Variants in ADGRV1 observed in about 807,000 individuals in gnomAD.
ADGRV1 encodes adhesion G protein-coupled receptor V1, also known as G-protein coupled receptor 98.
A neutral mutation model predicts 596.2 loss-of-function variants in ADGRV1; 359 were observed. That is an observed-to-expected ratio of 0.60 (90% confidence interval 0.55 to 0.66). The LOEUF (loss-of-function observed/expected upper bound fraction) is 0.66. Among genes scored for constraint, ADGRV1 ranks in the 30% least tolerant of loss-of-function variants. The pLI is 0.00. For missense variants in ADGRV1, 7,274 were observed against 7,575.6 expected (o/e 0.96, Z 1.48); for synonymous variants, 2,681 against 2,679.2 (o/e 1.00, Z -0.02).
chr5:90,973,726 C>G (rs972866721), intron 84 of ADGRV1, among the ~76,000 whole-genome samples: 7 of 152,258 alleles, frequency 4.6e-5, no homozygotes, highest in African/African-American at 1.7e-4. Flanking sequence ...CTCTTTATGA[C>G]AAACCTACAA....
intron 87 of ADGRV1, among the ~76,000 whole-genome samples, chr5:91,109,689 G>T (rs570504969): frequency 6.6e-6 from 1 of 152,210 alleles, no homozygotes; most frequent in South Asian, 2.1e-4. Context: ...AAGACCAGAT[G>T]GTACCATCCT....
chr5:91,027,679 G>C (rs1238041335), intron 85 of ADGRV1, among the ~76,000 whole-genome samples: 2 of 152,140 alleles, frequency 1.3e-5, no homozygotes, highest in East Asian at 3.9e-4. Context: ...TTATACATTG[G>C]TCCAGACTAT....
chr5:90,614,973 T>C lies in ADGRV1; in HGVS notation c.161T>C (p.Ile54Thr), dbSNP rs1763182322. The C allele has an allele frequency of 1.9e-6, 3 of 1,557,168 alleles. No individual in the cohort carries two copies. The highest frequency in any genetic ancestry group is 2.6e-6 in the Non-Finnish European group (3 of 1,147,788). ...NETSTTVIRL[I>T]IERIGEPANV... ...ACAAGTACAACAGTTATTCGTCTTA[T>C]CATTGAAAGGATAGGAGAGCCAGCA... The change falls in exon 2 of 90, where the codon ATC becomes ACC. Residue 54 changes from isoleucine to threonine, a missense_variant. By Grantham distance (89) the Ile-to-Thr change is moderately conservative (BLOSUM62 -1). Transcript: ENST00000405460.
At chr5:90,991,114 ACAGAGGTG>A (rs72083043) in intron 85 of ADGRV1, among the ~76,000 whole-genome samples, 3,731 of 152,310 alleles carry the variant, frequency 0.024, 68 homozygotes, top group Non-Finnish European at 0.038. Flanking sequence ...GACATGCCAT[ACAGAGGTG>A]AGAGGACAAT....
At chr5:91,107,288 C>T (rs948014934) in intron 87 of ADGRV1, among the ~76,000 whole-genome samples, 4 of 151,912 alleles carry the variant, frequency 2.6e-5, no homozygotes, top group Non-Finnish European at 5.9e-5. Context: ...TTTGTTTTCT[C>T]GTGACAAGAA....
At chr5:90,858,659 A>G (rs535188486) in intron 82 of ADGRV1, among the ~76,000 whole-genome samples, 25 of 152,236 alleles carry the variant, frequency 1.6e-4, no homozygotes, top group Non-Finnish European at 3.1e-4. Flanking sequence ...ATATGGACAT[A>G]TTATTTGGGA....
At position 90,690,036 on chromosome 5, in the gene ADGRV1, C is replaced by G. The variant is rs766685090; in HGVS notation, c.6666C>G (p.Val2222=). The G allele has an allele frequency of 3.8e-6, 6 of 1,589,790 alleles. No homozygotes were observed. The South Asian group carries it at 5.7e-5, about 15-fold the overall frequency. ...GARLGALTEA[V]IIIEASDDPY... ...GACTAGGGGCTTTAACAGAGGCAGT[C>G]ATTATTATTGAGGCCTCTGATGACC... The change falls in exon 30 of 90, where the codon GTC becomes GTG. Residue 2222 remains valine (V), a synonymous_variant. Transcript: ENST00000405460.
chr5:90,814,880 G>T (rs1463296197), intron 74 of ADGRV1, among the ~76,000 whole-genome samples: 1 of 152,174 alleles, frequency 6.6e-6, no homozygotes, highest in African/African-American at 2.4e-5. Context: ...AAAGCAGTCA[G>T]AACTATGCAG....
chr5:90,877,094 A>T (rs557019996), intron 83 of ADGRV1, among the ~76,000 whole-genome samples: 4 of 152,330 alleles, frequency 2.6e-5, no homozygotes, highest in Middle Eastern at 3.4e-3. Flanking sequence ...GAGTCAGGAA[A>T]ATCTTATAGC....
intron 27 of ADGRV1, among the ~76,000 whole-genome samples, chr5:90,681,953 G>A (rs775103748): frequency 4.0e-5 from 6 of 151,398 alleles, no homozygotes; most frequent in Non-Finnish European, 8.8e-5. Flanking sequence ...CACAACCTCC[G>A]CCTCCTGGGT....
Position 90,642,983 on chromosome 5 carries a change from A to C in ADGRV1, c.2495A>C (p.Lys832Thr). Residue 832 changes from lysine (K) to threonine (T), a missense_variant, in exon 13 of 90, where the codon AAA (lysine) becomes ACA (threonine). By Grantham distance (78) the Lys-to-Thr change is moderately conservative. Coordinates refer to ENST00000405460, the MANE Select transcript of ADGRV1 (RefSeq NM_032119.4). ...FYGNTGVLEF[K>T]PGEREIVITL... is the part of the protein sequence containing the mutation. ...GGAAACACGGGAGTACTAGAATTTA[A>C]ACCTGGAGAAAGGGAGATAGTGATC... 6.2e-7 allele frequency: 1 copy of C among 1,613,678 alleles called. No individual in the cohort carries two copies. Among genetic ancestry groups the C allele is most frequent in the South Asian group, 1.1e-5 (1 of 91,070 alleles).
At chr5:90,838,235 G>A (rs1396424965) in intron 77 of ADGRV1, among the ~76,000 whole-genome samples, 1 of 151,694 alleles carries the variant, frequency 6.6e-6, no homozygotes, top group Non-Finnish European at 1.5e-5. Flanking sequence ...CTCTTAAAAA[G>A]CATTCATTGA....
At chr5:90,688,124 C>T (rs1201445972) in intron 29 of ADGRV1, among the ~76,000 whole-genome samples, 1 of 152,104 alleles carries the variant, frequency 6.6e-6, no homozygotes, top group African/African-American at 2.4e-5. Flanking sequence ...CTGGAGGCAT[C>T]ACGCTACCTG....
In ADGRV1 at chr5:91,025,836, A is replaced by G. The variant is rs766079969; in HGVS notation, c.18152+40314A>G. The stretch of plus-strand genomic sequence containing the variant: ...TGTGATCAATCCAGAAACTATGAAT[A>G]TACTGTTAAGAATAAGCTTGGCAGG... On this transcript the variant is annotated intron_variant, in intron 85 of 89. Coordinates refer to ENST00000405460, the MANE Select transcript of ADGRV1 (RefSeq NM_032119.4). Among the ~76,000 whole-genome samples, 25 of 152,324 alleles carry G rather than the reference A, an allele frequency of 1.6e-4. No individual in the cohort carries two copies. The South Asian group carries it at 1.7e-3, about 10-fold the overall frequency.
chr5:90,862,034 C>A (rs191148601), intron 82 of ADGRV1, among the ~76,000 whole-genome samples: 1 of 152,152 alleles, frequency 6.6e-6, no homozygotes, highest in Non-Finnish European at 1.5e-5. Flanking sequence ...GAACTGCCAC[C>A]AGGTGTCATG....
In ADGRV1 at chr5:90,690,035, T is replaced by C; in HGVS notation, c.6665T>C (p.Val2222Ala). The C allele has an allele frequency of 6.3e-7, 1 of 1,590,260 alleles. No homozygotes were observed. ...GARLGALTEA[V>A]IIIEASDDPY... ...AGACTAGGGGCTTTAACAGAGGCAG[T>C]CATTATTATTGAGGCCTCTGATGAC... is the stretch of plus-strand genomic sequence containing the variant. The change falls in exon 30 of 90, where the codon GTC (valine) becomes GCC (alanine). Residue 2222 changes from valine to alanine, a missense_variant. Coordinates refer to ENST00000405460, the MANE Select transcript of ADGRV1 (RefSeq NM_032119.4).
At chr5:90,895,452 C>G (rs559944271) in intron 83 of ADGRV1, among the ~76,000 whole-genome samples, 4 of 152,246 alleles carry the variant, frequency 2.6e-5, no homozygotes, top group African/African-American at 7.2e-5. Flanking sequence ...GAGAAAACAA[C>G]AGGTGCAAAG....
chr5:90,746,555 G>A (rs368837368), intron 52 of ADGRV1, among the ~76,000 whole-genome samples: 46 of 152,170 alleles, frequency 3.0e-4, no homozygotes, highest in African/African-American at 9.6e-4. Context: ...AGTGAGCTTC[G>A]GGGTTAGTTG....
chr5:90,631,571 C>G (rs1259670282), intron 9 of ADGRV1, among the ~76,000 whole-genome samples: 1 of 152,152 alleles, frequency 6.6e-6, no homozygotes, highest in Non-Finnish European at 1.5e-5. Context: ...TTTCTTGCGT[C>G]TCCTCCAAGC....
Sources: gnomAD v4.1 joint callset for allele counts (sites outside exome capture counted in the v4.1 genomes callset) on GRCh38, gnomAD v4.1.1 for gene constraint, MANE v1.5 for transcripts, NCBI Gene and HGNC (gene_info 2026-07-23, HGNC 2026-07-21) for gene names.